The following CNTNAP5 variants were observed in gnomAD, a reference collection of about 807,000 sequenced individuals.
CNTNAP5 encodes contactin-associated protein-like 5.
A neutral mutation model predicts 150.2 loss-of-function variants in CNTNAP5; 72 were observed. The observed-to-expected ratio is 0.48, with a 90% CI of 0.40 to 0.58. The LOEUF (loss-of-function observed/expected upper bound fraction) is 0.58, where lower values mean the gene tolerates loss of function less well. CNTNAP5 is among the 20% of genes least tolerant of loss of function. The pLI, the probability that CNTNAP5 is intolerant of heterozygous loss-of-function variation, is 0.00. For synonymous variants in CNTNAP5, 672 were observed against 619.8 expected, an observed-to-expected ratio of 1.08 and a Z score of -1.25; for missense variants, 1,636 against 1,626.2, an observed-to-expected ratio of 1.01 and a Z score of -0.10.
intron 1 of CNTNAP5, among the ~76,000 whole-genome samples, chr2:124,189,366 A>AC (rs1443782238): frequency 6.6e-6 from 1 of 152,090 alleles, no homozygotes; most frequent in South Asian, 2.1e-4. Flanking sequence ...GTCAATGCAG[A>AC]CCCTGTGAGG....
intron 13 of CNTNAP5, among the ~76,000 whole-genome samples, chr2:124,685,286 G>A (rs1261255894): frequency 6.6e-6 from 1 of 152,026 alleles, no homozygotes. Flanking sequence ...TCCTGTCTCA[G>A]ATCTTGCCTT....
chr2:124,418,631 G>A, intron 4 of CNTNAP5, among the ~76,000 whole-genome samples: 1 of 152,160 alleles, frequency 6.6e-6, no homozygotes, highest in East Asian at 1.9e-4. Flanking sequence ...TATTTATCTT[G>A]AACAAGCACT....
chr2:124,066,524 G>A (rs917476570), intron 1 of CNTNAP5, among the ~76,000 whole-genome samples: 8 of 152,104 alleles, frequency 5.3e-5, no homozygotes, highest in African/African-American at 1.9e-4. Flanking sequence ...TCCTGCAGGA[G>A]AAGATATCTA....
At chr2:124,271,156 A>C (rs190228968) in intron 3 of CNTNAP5, among the ~76,000 whole-genome samples, 4 of 152,276 alleles carry the variant, frequency 2.6e-5, no homozygotes, top group African/African-American at 9.6e-5. Context: ...AACTCTAGAA[A>C]GGGAAAAGAT....
chr2:124,882,080 T>C (rs1246740911), intron 21 of CNTNAP5, among the ~76,000 whole-genome samples: 1 of 152,070 alleles, frequency 6.6e-6, no homozygotes, highest in African/African-American at 2.4e-5. Flanking sequence ...CAGCACAGCC[T>C]GTCGCCTAAG....
rs530121177 is a variant in CNTNAP5 at position 124,372,926 on chromosome 2, A to G, written c.382-44517A>G. Among the ~76,000 whole-genome samples, 4 of 152,254 alleles carry G rather than the reference A, an allele frequency of 2.6e-5. No individual in the cohort carries two copies. The East Asian group carries it at 7.8e-4, about 30-fold the overall frequency. On this transcript the variant is annotated intron_variant, in intron 3 of 23. Transcript: ENST00000682447. ...ATGCATGTGAGGAAGATATGCTATG[A>G]CCTGGAATTCCTTCAACCTGATGGT... is the stretch of plus-strand genomic sequence containing the variant.
chr2:124,207,456 G>A (rs762339550), intron 1 of CNTNAP5, among the ~76,000 whole-genome samples: 3 of 152,174 alleles, frequency 2.0e-5, no homozygotes, highest in Admixed American at 2.0e-4. Flanking sequence ...ATGTTGGGGG[G>A]ATAGAAAAGG....
chr2:124,875,961 G>A (rs536418521), intron 21 of CNTNAP5, among the ~76,000 whole-genome samples: 4 of 152,102 alleles, frequency 2.6e-5, no homozygotes, highest in Admixed American at 1.3e-4. Flanking sequence ...TCTGCTTCAG[G>A]TACAGCTGGC....
At chr2:124,754,635 G>A (rs749766960) in intron 14 of CNTNAP5, among the ~76,000 whole-genome samples, 1 of 152,118 alleles carries the variant, frequency 6.6e-6, no homozygotes, top group Non-Finnish European at 1.5e-5. Context: ...ACATTCTGGA[G>A]TAACTTGATA....
At chr2:124,332,296 T>C (rs1395664953) in intron 3 of CNTNAP5, among the ~76,000 whole-genome samples, 1 of 151,456 alleles carries the variant, frequency 6.6e-6, no homozygotes. Flanking sequence ...ACACACTTCT[T>C]ACTTCTCTTG....
At chr2:124,244,424 A>T (rs1686966992) in intron 3 of CNTNAP5, among the ~76,000 whole-genome samples, 1 of 152,112 alleles carries the variant, frequency 6.6e-6, no homozygotes, top group African/African-American at 2.4e-5. Flanking sequence ...GACTTTCCCC[A>T]TTCCCTACCT....
At chr2:124,636,963 A>C (rs1268663744) in intron 12 of CNTNAP5, among the ~76,000 whole-genome samples, 2 of 152,096 alleles carry the variant, frequency 1.3e-5, no homozygotes, top group Non-Finnish European at 2.9e-5. Context: ...GAACCATTTG[A>C]AAGTAAGTTG....
At chr2:124,036,393 C>G (rs932707840) in intron 1 of CNTNAP5, among the ~76,000 whole-genome samples, 8 of 151,808 alleles carry the variant, frequency 5.3e-5, no homozygotes, top group African/African-American at 1.9e-4. Context: ...AACCCCAGTC[C>G]CACCCCAAGT....
chr2:124,788,323 A>G (rs1681641358), intron 17 of CNTNAP5, among the ~76,000 whole-genome samples: 1 of 152,242 alleles, frequency 6.6e-6, no homozygotes, highest in East Asian at 1.9e-4. Flanking sequence ...ATAATTTTCA[A>G]GAAACATATA....
intron 5 of CNTNAP5, among the ~76,000 whole-genome samples, chr2:124,446,144 C>T (rs1692809856): frequency 1.3e-5 from 2 of 152,230 alleles, no homozygotes; most frequent in South Asian, 4.1e-4. Flanking sequence ...TCTGACCGTA[C>T]CTGAGGCATG....
intron 11 of CNTNAP5, among the ~76,000 whole-genome samples, chr2:124,582,606 A>C (rs1400765219): frequency 2.0e-5 from 3 of 152,148 alleles, no homozygotes; most frequent in African/African-American, 7.2e-5. Context: ...GAAATGATCC[A>C]GTTCTGATGG....
At chr2:124,247,169 G>A (rs1299033461) in intron 3 of CNTNAP5, among the ~76,000 whole-genome samples, 5 of 152,054 alleles carry the variant, frequency 3.3e-5, no homozygotes, top group Non-Finnish European at 7.4e-5. Flanking sequence ...CTGCCACGTT[G>A]GGCCTAGAAC....
At chr2:124,204,641 G>A (rs1245436122) in intron 1 of CNTNAP5, among the ~76,000 whole-genome samples, 1 of 152,202 alleles carries the variant, frequency 6.6e-6, no homozygotes, top group East Asian at 1.9e-4. Flanking sequence ...ATGGTAGGAG[G>A]CAAAGGAGGA....
At chr2:124,865,075 CCA>C (rs149351221) in intron 19 of CNTNAP5, among the ~76,000 whole-genome samples, 4 of 149,556 alleles carry the variant, frequency 2.7e-5, no homozygotes, top group South Asian at 2.1e-4. Context: ...TGTGATAACA[CCA>C]CACACACACA....
Sources: allele counts gnomAD v4.1 joint callset (sites outside exome capture counted in the v4.1 genomes callset), GRCh38; gene constraint gnomAD v4.1.1; transcripts MANE v1.5; gene names NCBI Gene and HGNC (gene_info 2026-07-23, HGNC 2026-07-21).